Variants in KMT2C observed in about 807,000 individuals in gnomAD.
KMT2C encodes lysine methyltransferase 2C, also known as histone-lysine N-methyltransferase 2C.
A neutral mutation model predicts 507.9 loss-of-function variants in KMT2C; 88 were observed. That is an observed-to-expected ratio of 0.17 (90% confidence interval 0.15 to 0.21). The LOEUF (loss-of-function observed/expected upper bound fraction) is 0.21, where lower values mean the gene tolerates loss of function less well. Among genes scored for constraint, KMT2C ranks in the 10% least tolerant of loss-of-function variants. The pLI is 1.00. For missense variants in KMT2C, 4,954 were observed against 5,957.8 expected, an observed-to-expected ratio of 0.83 and a Z score of 5.55; for synonymous variants, 2,049 against 2,080.8, an observed-to-expected ratio of 0.98 and a Z score of 0.42.
chr7:152,153,066 A>T, intron 48 of KMT2C, 112 bp from the exon 49 acceptor site: 1 of 1,320,832 alleles, frequency 7.6e-7, no homozygotes, highest in Non-Finnish European at 1.0e-6. Flanking sequence ...GATTCTAAGA[A>T]AATCCAACAA....
At chr7:152,367,408 G>C (rs950211491) in intron 1 of KMT2C, 1 of 687,076 alleles carries the variant, frequency 1.5e-6, no homozygotes. Context: ...AAGTGAGACA[G>C]GGTCTCGCCT....
intron 6 of KMT2C, among the ~76,000 whole-genome samples, chr7:152,302,864 G>T (rs1490958380): frequency 1.3e-5 from 2 of 150,812 alleles, no homozygotes; most frequent in Non-Finnish European, 3.0e-5. Context: ...GGCTGGTCTC[G>T]AACTCCTGAC....
chr7:152,361,446 C>T (rs970696534), intron 1 of KMT2C, among the ~76,000 whole-genome samples: 1 of 151,952 alleles, frequency 6.6e-6, no homozygotes, highest in African/African-American at 2.4e-5. Flanking sequence ...GCCTGTAGTC[C>T]CAGCTACTCG....
intron 2 of KMT2C, among the ~76,000 whole-genome samples, chr7:152,331,433 A>AT (rs2096881528): frequency 6.6e-6 from 1 of 151,866 alleles, no homozygotes; most frequent in Non-Finnish European, 1.5e-5. Flanking sequence ...CCTGGGAAAC[A>AT]TGGTAACACC....
chr7:152,271,973 T>C (rs1368851012), intron 7 of KMT2C, among the ~76,000 whole-genome samples: 1 of 152,148 alleles, frequency 6.6e-6, no homozygotes, highest in East Asian at 1.9e-4. Context: ...AAATTTGTGG[T>C]TACGTCTGGA....
chr7:152,234,421 A>C (rs1198430125), intron 16 of KMT2C, among the ~76,000 whole-genome samples: 1 of 151,562 alleles, frequency 6.6e-6, no homozygotes, highest in Non-Finnish European at 1.5e-5. Context: ...CACAACAAAA[A>C]CCCCCCACAA....
chr7:152,281,570 A>G (rs2096210005), intron 6 of KMT2C, among the ~76,000 whole-genome samples: 2 of 152,180 alleles, frequency 1.3e-5, no homozygotes, highest in South Asian at 4.1e-4. Flanking sequence ...CGTTTCTATT[A>G]AAAATACAAA....
intron 28 of KMT2C, 75 bp from the exon 29 acceptor site, chr7:152,194,643 G>A (rs1268336424): frequency 8.2e-6 from 9 of 1,099,676 alleles, no homozygotes; most frequent in East Asian, 2.5e-5. Context: ...CTATTTACCT[G>A]TACTTAGTAT....
intron 6 of KMT2C, among the ~76,000 whole-genome samples, chr7:152,295,704 A>T (rs557236390): frequency 1.3e-5 from 2 of 152,300 alleles, no homozygotes; most frequent in African/African-American, 4.8e-5. Context: ...GAGGGGCTAA[A>T]TACTCTCCCC....
In KMT2C at chr7:152,177,640, T is replaced by C. The variant is rs1471497549; in HGVS notation, c.7813A>G (p.Thr2605Ala). 4.3e-6 allele frequency: 7 copies of C among 1,614,080 alleles called. No individual in the cohort carries two copies. Among genetic ancestry groups the C allele is most frequent in the Non-Finnish European group, 5.9e-6 (7 of 1,180,002 alleles). Residue 2605 changes from threonine to alanine, a missense_variant, in exon 38 of 59, where the codon ACA (threonine) becomes GCA (alanine). Thr to Ala is a moderately conservative substitution (Grantham distance 58). This residue lies in a region of KMT2C where 1,689 missense variants were observed against 1,654.3 expected (regional missense o/e 1.02). Transcript: ENST00000262189. ...TGGGGAGGTCGTCGCATGGGGTCTGTGTGTCTAGGGCCCGGAAAGTCTGGC... is the reference window on the plus strand; with the variant it reads ...TGGGGAGGTCGTCGCATGGGGTCTGCGTGTCTAGGGCCCGGAAAGTCTGGC... ...PRPDFPGPRH[T>A]DPMRRPPQGL...
intron 6 of KMT2C, among the ~76,000 whole-genome samples, chr7:152,295,971 G>A (rs1194336826): frequency 6.6e-6 from 1 of 150,988 alleles, no homozygotes; most frequent in Non-Finnish European, 1.5e-5. Flanking sequence ...GGGAGGCTGA[G>A]GCAGGAGAAT....
At chr7:152,201,617 G>GAAAAAAAAAAAAAAAAAAA (rs745427209) in intron 26 of KMT2C, among the ~76,000 whole-genome samples, 4 of 22,906 alleles carry the variant, frequency 1.7e-4, no homozygotes, top group Admixed American at 5.2e-4. Flanking sequence ...CAACAAAGAT[G>GAAAAAAAAAAAAAAAAAAA]AAAAAAAAAA....
rs1261551501 is a variant in KMT2C at position 152,139,176 on chromosome 7, G to A, written c.14534+10C>T. On this transcript the variant is annotated intron_variant, in intron 57 of 58. Coordinates refer to ENST00000262189, the MANE Select transcript of KMT2C (RefSeq NM_170606.3). Reference sequence around the variant, plus strand: ...AAAAGCACTCCCCGTCAGGTTCCTCGCTGTCTCACCTTGCGGGCCCTCCTG... The same window carrying A: ...AAAAGCACTCCCCGTCAGGTTCCTCACTGTCTCACCTTGCGGGCCCTCCTG... 31 of 1,613,254 alleles carry A rather than the reference G, an allele frequency of 1.9e-5. No homozygotes were observed. Among genetic ancestry groups the A allele is most frequent in the Non-Finnish European group, 2.5e-5 (30 of 1,179,480 alleles).
In KMT2C at chr7:152,180,040, G is replaced by A. The variant is rs140215243; in HGVS notation, c.7236C>T (p.Pro2412=). 5.4e-5 allele frequency: 87 copies of A among 1,613,988 alleles called. No individual in the cohort carries two copies. The highest frequency in any genetic ancestry group is 2.8e-4 in the Admixed American group (17 of 59,998). ...GAAGAGGCCCTGGATGAGGCACTGCGGGTGAGTCCTGTGACCCCTTCTCCT... is the reference window on the plus strand; with the variant it reads ...GAAGAGGCCCTGGATGAGGCACTGCAGGTGAGTCCTGTGACCCCTTCTCCT... The part of the protein sequence containing the change: ...GRQEKGSQDS[P]AVPHPGPLQH... The change falls in exon 37 of 59, where the codon CCC becomes CCT. Residue 2412 remains proline, a synonymous_variant. Transcript: ENST00000262189.
intron 1 of KMT2C, among the ~76,000 whole-genome samples, chr7:152,382,616 G>A (rs76702744): frequency 2.6e-3 from 283 of 109,652 alleles, no homozygotes; most frequent in South Asian, 6.0e-3. Context: ...ACATTCCCAG[G>A]CCAATTTTCA....
intron 6 of KMT2C, among the ~76,000 whole-genome samples, chr7:152,275,910 T>C (rs2096071720): frequency 6.6e-6 from 1 of 152,216 alleles, no homozygotes; most frequent in Non-Finnish European, 1.5e-5. Flanking sequence ...AAAATAATCT[T>C]GGCAGATAAA....
At chr7:152,185,146 AAC>A (rs2093585356) in intron 34 of KMT2C, among the ~76,000 whole-genome samples, 1 of 152,240 alleles carries the variant, frequency 6.6e-6, no homozygotes, top group African/African-American at 2.4e-5. Flanking sequence ...TTGTTTTAAA[AAC>A]AATGACAAGG....
chr7:152,225,966 C>A (rs533930614), intron 18 of KMT2C, among the ~76,000 whole-genome samples: 87 of 152,182 alleles, frequency 5.7e-4, no homozygotes, highest in African/African-American at 2.0e-3. Context: ...ATAACCAACA[C>A]CTTATTAATT....
intron 3 of KMT2C, among the ~76,000 whole-genome samples, chr7:152,326,819 T>A (rs1589212983): frequency 6.6e-6 from 1 of 152,320 alleles, no homozygotes; most frequent in South Asian, 2.1e-4. Flanking sequence ...AGGCGGAGCC[T>A]GCAGTGAGCT....
Sources: allele counts gnomAD v4.1 joint callset (sites outside exome capture counted in the v4.1 genomes callset), GRCh38; gene constraint gnomAD v4.1.1; regional missense constraint gnomAD v4.1.1; transcripts MANE v1.5; gene names NCBI Gene and HGNC (gene_info 2026-07-23, HGNC 2026-07-21).